HIVEP1: variants seen among roughly 807,000 people sequenced by gnomAD.
The protein encoded by HIVEP1 is HIVEP zinc finger 1, also known as zinc finger protein 40.
HIVEP1 carries 36 observed loss-of-function variants against 180.0 expected under a neutral mutation model. The ratio of observed to expected loss-of-function variants is 0.20; its 90% confidence interval spans 0.15 to 0.26. The LOEUF (loss-of-function observed/expected upper bound fraction) is 0.26. Among genes scored for constraint, HIVEP1 ranks in the 10% least tolerant of loss-of-function variants. The pLI is 1.00. For missense variants in HIVEP1, 3,143 were observed against 3,268.7 expected (o/e 0.96, Z 0.94); for synonymous variants, 1,239 against 1,239.0 (o/e 1.00, Z 0.00).
chr6:12,195,650 C>G, the HIVEP1 span, among the ~76,000 whole-genome samples: 1 of 34,858 alleles, frequency 2.9e-5, no homozygotes, highest in South Asian at 7.9e-4. Context: ...AGCAGAAAAG[C>G]TGGCATACAG....
chr6:12,161,868 A>G lies in HIVEP1; in HGVS notation c.6917A>G (p.Tyr2306Cys), dbSNP rs766909948. The G allele has an allele frequency of 1.5e-5, 24 of 1,613,636 alleles. No individual in the cohort carries two copies. The highest frequency in any genetic ancestry group is 2.7e-5 in the African/African-American group (2 of 74,920). The part of the protein sequence containing the change: ...RSPCHQMSVD[Y>C]PESEEILRSS... ...CCGTGTCATCAGATGTCTGTGGACT[A>G]CCCTGAGTCAGAAGAAATTCTGAGA... The change falls in exon 8 of 9, where the codon TAC (tyrosine) becomes TGC (cysteine). Residue 2306 changes from tyrosine to cysteine, a missense_variant. Coordinates refer to ENST00000379388, the MANE Select transcript of HIVEP1 (RefSeq NM_002114.4).
In HIVEP1 at chr6:12,164,634, A is replaced by G. The variant is rs1167454111; in HGVS notation, c.*173A>G. The G allele has an allele frequency of 6.8e-6, 4 of 588,608 alleles. No homozygotes were observed. Among genetic ancestry groups the G allele is most frequent in the Non-Finnish European group, 1.2e-5 (4 of 340,654 alleles). 36.5% of individuals were successfully genotyped at this position (588,608 alleles called of 1,614,324 possible). A position where few individuals can be genotyped will look rare whatever the true frequency, so the allele number is the denominator to read the frequency against. On this transcript the variant is annotated 3_prime_UTR_variant, in exon 9 of 9. Transcript: ENST00000379388. Reference sequence around the variant, plus strand: ...GTGTCAGCTCCAGCCATTTTTGTACATGTTGTATAGACAATTGTGCCTTTT... The same window carrying G: ...GTGTCAGCTCCAGCCATTTTTGTACGTGTTGTATAGACAATTGTGCCTTTT...
chr6:12,046,573 G>T (rs1024656724), intron 2 of HIVEP1, among the ~76,000 whole-genome samples: 19 of 152,076 alleles, frequency 1.2e-4, no homozygotes, highest in African/African-American at 4.3e-4. Flanking sequence ...GAGGTCAAGA[G>T]ATCGAGACAA....
chr6:12,147,047 C>A (rs558043924), intron 7 of HIVEP1, among the ~76,000 whole-genome samples: 1 of 152,034 alleles, frequency 6.6e-6, no homozygotes, highest in African/African-American at 2.4e-5. Flanking sequence ...GTTGCTTGAC[C>A]GAAGACACAC....
the HIVEP1 span, among the ~76,000 whole-genome samples, chr6:12,211,833 T>C: frequency 1.3e-5 from 2 of 152,328 alleles, no homozygotes; most frequent in Non-Finnish European, 1.5e-5. Context: ...TTGAGACTGA[T>C]GTGAGGAGAC....
chr6:12,183,212 G>GA, the HIVEP1 span, among the ~76,000 whole-genome samples: 4 of 152,242 alleles, frequency 2.6e-5, no homozygotes, highest in African/African-American at 9.6e-5. Context: ...TAATCCTTTT[G>GA]AAAAACAGGA....
intron 2 of HIVEP1, among the ~76,000 whole-genome samples, chr6:12,030,964 G>A (rs1207893404): frequency 1.3e-5 from 2 of 152,168 alleles, no homozygotes; most frequent in Admixed American, 6.5e-5. Context: ...GACTAAATAT[G>A]TGAAGGCTAT....
Position 12,037,891 on chromosome 6 carries a change from C to T in HIVEP1, c.40+22223C>T, listed in dbSNP as rs181688264. Reference sequence around the variant, plus strand: ...GTGCCTAGCTACTTTTTTTTTTTGGCGGAGGGGAGGGGAGTTCCTCACTTT... The same window carrying T: ...GTGCCTAGCTACTTTTTTTTTTTGGTGGAGGGGAGGGGAGTTCCTCACTTT... On this transcript the variant is annotated intron_variant, in intron 2 of 8. Transcript: ENST00000379388. The T allele has an allele frequency of 7.2e-4, 281 of 390,786 alleles. 1 individual carries two copies. The East Asian group carries it at 8.3e-3, about 12-fold the overall frequency. 24.2% of individuals were successfully genotyped at this position (390,786 alleles called of 1,614,324 possible). A position where few individuals can be genotyped will look rare whatever the true frequency, so the allele number is the denominator to read the frequency against.
intron 2 of HIVEP1, among the ~76,000 whole-genome samples, chr6:12,022,479 G>A (rs1768305006): frequency 6.6e-6 from 1 of 152,128 alleles, no homozygotes; most frequent in African/African-American, 2.4e-5. Flanking sequence ...CCATATACAG[G>A]ATTTTTATAG....
chr6:12,082,001 G>GA (rs1372600615), intron 2 of HIVEP1, among the ~76,000 whole-genome samples: 2 of 152,116 alleles, frequency 1.3e-5, no homozygotes, highest in Non-Finnish European at 2.9e-5. Flanking sequence ...TTTTGACATT[G>GA]AAATGCTGTT....
Position 12,121,005 on chromosome 6 carries a change from G to A in HIVEP1, c.1210G>A (p.Gly404Arg). The A allele has an allele frequency of 6.2e-7, 1 of 1,614,148 alleles. No individual in the cohort carries two copies. Among genetic ancestry groups the A allele is most frequent in the Non-Finnish European group, 8.5e-7 (1 of 1,180,004 alleles). Residue 404 changes from glycine (G) to arginine (R), a missense_variant, in exon 4 of 9, where the codon GGA (glycine) becomes AGA (arginine). By Grantham distance (125) the Gly-to-Arg change is moderately radical. Coordinates refer to ENST00000379388, the MANE Select transcript of HIVEP1 (RefSeq NM_002114.4). The surrounding 1 kb of genome is among the most constrained non-coding windows in gnomAD (Gnocchi z 5.3). ...GAAAGATCAGAAGCCAAAAAAACAA[G>A]GAAAATATATTTGTGAGTATTGCAA... ...LLKDQKPKKQ[G>R]KYICEYCNRA...
At chr6:12,138,664 C>A (rs1021837148) in intron 7 of HIVEP1, among the ~76,000 whole-genome samples, 1 of 152,122 alleles carries the variant, frequency 6.6e-6, no homozygotes, top group African/African-American at 2.4e-5. Flanking sequence ...CATCCGGTCT[C>A]CTGACTTCAG....
chr6:12,046,195 AT>A (rs1387644065), intron 2 of HIVEP1, among the ~76,000 whole-genome samples: 1 of 152,236 alleles, frequency 6.6e-6, no homozygotes, highest in Non-Finnish European at 1.5e-5. Flanking sequence ...AAATAATTTT[AT>A]GTGTTTACAA....
chr6:12,057,835 T>C (rs1047430998), intron 2 of HIVEP1, among the ~76,000 whole-genome samples: 3 of 152,206 alleles, frequency 2.0e-5, no homozygotes, highest in Non-Finnish European at 4.4e-5. Flanking sequence ...GAATCCTTTC[T>C]AATAGTAATA....
Position 12,163,917 on chromosome 6 carries a change from A to G in HIVEP1, c.7613A>G (p.Gln2538Arg), listed in dbSNP as rs765413137. The G allele has an allele frequency of 1.9e-6, 3 of 1,613,998 alleles. No homozygotes were observed. In the African/African-American group the frequency reaches 4.0e-5, roughly 22 times the overall value. The change falls in exon 9 of 9, where the codon CAG becomes CGG. Residue 2538 changes from glutamine to arginine, a missense_variant. Around this residue, in one of 12 missense-constraint regions of HIVEP1, gnomAD observed 595 missense variants for 602.2 expected, o/e 0.99. Transcript: ENST00000379388. The part of the protein sequence containing the change: ...NPSSQSSPAP[Q>R]AHIPGLQILN... ...TCATCACAAAGCAGCCCCGCCCCTC[A>G]GGCACACATTCCAGGTCTCCAGATC... is the stretch of plus-strand genomic sequence containing the variant.
At chr6:12,021,176 G>A (rs560029283) in intron 2 of HIVEP1, among the ~76,000 whole-genome samples, 24 of 152,200 alleles carry the variant, frequency 1.6e-4, no homozygotes, top group South Asian at 6.2e-4. Context: ...GTGAGCCACC[G>A]CACCCGGCCC....
intron 2 of HIVEP1, among the ~76,000 whole-genome samples, chr6:12,078,667 A>G (rs1266666412): frequency 2.2e-5 from 3 of 137,772 alleles, no homozygotes; most frequent in African/African-American, 5.0e-5. Context: ...ATATATACAT[A>G]TATATACACA....
intron 7 of HIVEP1, among the ~76,000 whole-genome samples, chr6:12,146,577 A>G (rs1376218550): frequency 6.6e-6 from 1 of 152,228 alleles, no homozygotes; most frequent in South Asian, 2.1e-4. Context: ...AGGTCAGTAT[A>G]GGTATTGTTA....
intron 3 of HIVEP1, among the ~76,000 whole-genome samples, chr6:12,115,052 A>AT (rs1295541419): frequency 2.6e-5 from 4 of 152,186 alleles, no homozygotes; most frequent in Non-Finnish European, 4.4e-5. Context: ...TCAAGACAGG[A>AT]TTTTAAGCAC....
Sources: gnomAD v4.1 joint callset for allele counts (sites outside exome capture counted in the v4.1 genomes callset) on GRCh38, gnomAD v4.1.1 for gene constraint, gnomAD v4.1.1 regional missense constraint, Gnocchi (gnomAD v3.1) non-coding constraint, MANE v1.5 for transcripts, NCBI Gene and HGNC (gene_info 2026-07-23, HGNC 2026-07-21) for gene names.